SLC7A14: variants seen among roughly 807,000 people sequenced by gnomAD.
SLC7A14 encodes the protein gamma-aminobutyric acid transporter SLC7A14.
A neutral mutation model predicts 60.2 loss-of-function variants in SLC7A14; 37 were observed. The ratio of observed to expected loss-of-function variants is 0.61; its 90% CI spans 0.47 to 0.81. The LOEUF is 0.81. Ranked by LOEUF, SLC7A14 falls within the 30% of genes least tolerant of loss-of-function variation. SLC7A14 has a pLI of 0.00. For missense variants in SLC7A14, 886 were observed against 982.7 expected (o/e 0.90, Z 1.32); for synonymous variants, 399 against 395.8 (o/e 1.01, Z -0.10).
chr3:170,562,701 C>G (rs1303007011), intron 1 of SLC7A14, among the ~76,000 whole-genome samples: 2 of 151,988 alleles, frequency 1.3e-5, no homozygotes, highest in Admixed American at 1.3e-4. Context: ...ATGAGATTTC[C>G]CAATGCTCTG....
At chr3:170,584,189 C>G (rs556456056) in intron 1 of SLC7A14, among the ~76,000 whole-genome samples, 1 of 152,162 alleles carries the variant, frequency 6.6e-6, no homozygotes, top group Non-Finnish European at 1.5e-5. Flanking sequence ...CTTTCCCCAT[C>G]TTGCCCATAA....
At chr3:170,501,019 C>G (rs1241289179) in intron 3 of SLC7A14, 90 bp downstream of exon 3, 3 of 1,228,926 alleles carry the variant, frequency 2.4e-6, no homozygotes, top group African/African-American at 1.5e-5. Flanking sequence ...GCTTTTGATA[C>G]ATTTTGCCAA....
chr3:170,563,703 A>C (rs1002381950), intron 1 of SLC7A14, among the ~76,000 whole-genome samples: 3 of 152,080 alleles, frequency 2.0e-5, no homozygotes, highest in African/African-American at 7.2e-5. Context: ...TTACAGGCGT[A>C]AGCCACCGCG....
intron 1 of SLC7A14, among the ~76,000 whole-genome samples, chr3:170,564,478 G>T (rs542357081): frequency 6.6e-6 from 1 of 152,308 alleles, no homozygotes; most frequent in Admixed American, 6.5e-5. Context: ...CTAGTTAGAG[G>T]CAATAGTCCC....
intron 2 of SLC7A14, among the ~76,000 whole-genome samples, chr3:170,518,215 C>G (rs1463462041): frequency 3.9e-5 from 6 of 152,270 alleles, no homozygotes; most frequent in Non-Finnish European, 5.9e-5. Flanking sequence ...CCATGGTGTG[C>G]TACACGCAAA....
At chr3:170,582,327 A>G (rs957541233) in intron 1 of SLC7A14, among the ~76,000 whole-genome samples, 2 of 152,176 alleles carry the variant, frequency 1.3e-5, no homozygotes, top group African/African-American at 4.8e-5. Flanking sequence ...TAAATGATAA[A>G]AATTTTCTGA....
chr3:170,583,435 G>T (rs1715290488), intron 1 of SLC7A14, among the ~76,000 whole-genome samples: 1 of 152,204 alleles, frequency 6.6e-6, no homozygotes, highest in South Asian at 2.1e-4. Flanking sequence ...TTAGTTCACT[G>T]ATGCTGACGT....
intron 2 of SLC7A14, among the ~76,000 whole-genome samples, chr3:170,524,467 G>A (rs1212045021): frequency 6.6e-6 from 1 of 151,618 alleles, no homozygotes; most frequent in East Asian, 1.9e-4. Flanking sequence ...TAAGACACAG[G>A]TAATTCATTC....
intron 2 of SLC7A14, among the ~76,000 whole-genome samples, chr3:170,518,043 T>C (rs972393802): frequency 6.6e-6 from 1 of 152,198 alleles, no homozygotes; most frequent in Non-Finnish European, 1.5e-5. Context: ...AATCCTACAG[T>C]CATAGATTTG....
intron 1 of SLC7A14, among the ~76,000 whole-genome samples, chr3:170,559,689 T>C (rs573501013): frequency 6.6e-6 from 1 of 152,354 alleles, no homozygotes; most frequent in Admixed American, 6.5e-5. Context: ...AATAACCCAA[T>C]AGATTCAAGT....
intron 1 of SLC7A14, among the ~76,000 whole-genome samples, chr3:170,541,189 C>T (rs1299877387): frequency 1.3e-5 from 2 of 152,178 alleles, no homozygotes; most frequent in Non-Finnish European, 2.9e-5. Flanking sequence ...TAATATTACT[C>T]ACAGTGGTAA....
At chr3:170,500,733 C>T (rs534714603) in intron 3 of SLC7A14, among the ~76,000 whole-genome samples, 189 of 152,178 alleles carry the variant, frequency 1.2e-3, no homozygotes, top group Admixed American at 2.8e-3. Flanking sequence ...TAGCCTTTGA[C>T]GTATGACATT....
chr3:170,485,434 G>A (rs149330254), intron 5 of SLC7A14, among the ~76,000 whole-genome samples: 2 of 152,304 alleles, frequency 1.3e-5, no homozygotes, highest in East Asian at 3.9e-4. Flanking sequence ...CCAAGTGAGT[G>A]CGCCCCTCAG....
intron 3 of SLC7A14, among the ~76,000 whole-genome samples, chr3:170,500,208 C>A (rs1299185905): frequency 5.3e-5 from 8 of 151,940 alleles, no homozygotes; most frequent in Non-Finnish European, 1.2e-4. Context: ...TTTGGGAGGC[C>A]AAGGTGGGTG....
intron 1 of SLC7A14, among the ~76,000 whole-genome samples, chr3:170,541,163 T>C (rs138941819): frequency 1.3e-5 from 2 of 152,334 alleles, no homozygotes; most frequent in East Asian, 3.9e-4. Context: ...AAGATTTATT[T>C]CAAGGGCATT....
chr3:170,493,117 C>A (rs115868391), intron 4 of SLC7A14, among the ~76,000 whole-genome samples: 1 of 152,260 alleles, frequency 6.6e-6, no homozygotes, highest in African/African-American at 2.4e-5. Flanking sequence ...AAGATAGTAT[C>A]AAGAACAAAT....
At chr3:170,510,397 A>T (rs200008275) in intron 2 of SLC7A14, among the ~76,000 whole-genome samples, 3,795 of 144,024 alleles carry the variant, frequency 0.026, 123 homozygotes, top group East Asian at 0.081. Context: ...CAAAAAAAAA[A>T]AAATAAATAA....
intron 7 of SLC7A14, among the ~76,000 whole-genome samples, chr3:170,472,187 G>A (rs1396778148): frequency 1.3e-5 from 2 of 149,806 alleles, no homozygotes; most frequent in Admixed American, 6.7e-5. Flanking sequence ...TGGCCAACAT[G>A]GTGAAACCCC....
At chr3:170,547,967 G>A (rs1560276809) in intron 1 of SLC7A14, among the ~76,000 whole-genome samples, 1 of 152,174 alleles carries the variant, frequency 6.6e-6, no homozygotes, top group Admixed American at 6.5e-5. Flanking sequence ...GCTCCTTGGA[G>A]GGGAGTTACC....
Sources: allele counts gnomAD v4.1 joint callset (sites outside exome capture counted in the v4.1 genomes callset), GRCh38; gene constraint gnomAD v4.1.1; transcripts MANE v1.5; gene names NCBI Gene and HGNC (gene_info 2026-07-23, HGNC 2026-07-21).